Variants in ELAVL4 observed in about 807,000 individuals in gnomAD.
ELAVL4 encodes ELAV-like protein 4.
A neutral mutation model predicts 35.6 loss-of-function variants in ELAVL4; 1 was observed. The ratio of observed to expected loss-of-function variants is 0.03; its 90% CI spans 0.01 to 0.13. ELAVL4 has a LOEUF of 0.13. Among genes scored for constraint, ELAVL4 ranks in the 10% least tolerant of loss-of-function variants. The pLI is 1.00. For synonymous variants in ELAVL4, 156 were observed against 171.0 expected (o/e 0.91, Z 0.69); for missense variants, 267 against 464.9 (o/e 0.57, Z 3.91).
chr1:50,075,655 A>G (rs1019825135), intron 1 of ELAVL4, among the ~76,000 whole-genome samples: 2 of 152,188 alleles, frequency 1.3e-5, no homozygotes, highest in African/African-American at 4.8e-5. Context: ...TATACTTACA[A>G]TGGTTCAACT....
At chr1:50,076,245 A>G (rs1301262925) in intron 1 of ELAVL4, among the ~76,000 whole-genome samples, 1 of 152,180 alleles carries the variant, frequency 6.6e-6, no homozygotes, top group East Asian at 1.9e-4. Flanking sequence ...ACCTCTTATC[A>G]GTGGTTTTAC....
chr1:50,186,861 G>T (rs1392193666), intron 3 of ELAVL4, among the ~76,000 whole-genome samples: 1 of 152,154 alleles, frequency 6.6e-6, no homozygotes, highest in African/African-American at 2.4e-5. Context: ...GTATCAGGTG[G>T]CAGGTAGGGG....
At chr1:50,181,841 G>A (rs544496255) in intron 3 of ELAVL4, among the ~76,000 whole-genome samples, 60 of 152,194 alleles carry the variant, frequency 3.9e-4, no homozygotes, top group African/African-American at 1.1e-3. Context: ...GCACTACCAC[G>A]CCCGGCTAAT....
chr1:50,078,106 T>TTGTGTGTGTGTGTGTG (rs56818675), intron 1 of ELAVL4, among the ~76,000 whole-genome samples: 42 of 145,062 alleles, frequency 2.9e-4, no homozygotes, highest in African/African-American at 9.2e-4. Flanking sequence ...AATATATACC[T>TTGTGTGTGTGTGTGTG]TGTGTGTGTG....
intron 1 of ELAVL4, among the ~76,000 whole-genome samples, chr1:50,113,088 C>A (rs1054549521): frequency 3.3e-5 from 5 of 152,046 alleles, no homozygotes; most frequent in East Asian, 1.9e-4. Flanking sequence ...AATTTCACAT[C>A]TAGAAATTAT....
intron 1 of ELAVL4, among the ~76,000 whole-genome samples, chr1:50,055,322 CAG>C (rs1323426262): frequency 5.9e-5 from 9 of 151,482 alleles, no homozygotes; most frequent in Non-Finnish European, 1.3e-4. Context: ...TTGTTTGAGA[CAG>C]AGTCTCGCTC....
intron 1 of ELAVL4, among the ~76,000 whole-genome samples, chr1:50,074,797 G>A (rs1664688669): frequency 6.6e-6 from 1 of 152,140 alleles, no homozygotes; most frequent in African/African-American, 2.4e-5. Context: ...AAAGGCAGAG[G>A]TAGGAAGATG....
intron 1 of ELAVL4, among the ~76,000 whole-genome samples, chr1:50,049,134 C>A (rs1006536206): frequency 7.9e-5 from 12 of 152,152 alleles, no homozygotes; most frequent in African/African-American, 2.2e-4. Context: ...TAATAATTTT[C>A]ATAAAATCTT....
At chr1:50,188,292 T>C (rs966531745) in intron 3 of ELAVL4, among the ~76,000 whole-genome samples, 13 of 152,322 alleles carry the variant, frequency 8.5e-5, no homozygotes, top group African/African-American at 3.1e-4. Context: ...CCATTGCCAC[T>C]GTATGTCACC....
intron 6 of ELAVL4, 82 bp downstream of exon 6, chr1:50,197,549 T>C: frequency 7.9e-7 from 1 of 1,271,518 alleles, no homozygotes; most frequent in Non-Finnish European, 1.1e-6. Context: ...TTCACTAACT[T>C]TACTTTAAAA....
chr1:50,152,766 G>T (rs79348931), intron 2 of ELAVL4, among the ~76,000 whole-genome samples: 1 of 151,858 alleles, frequency 6.6e-6, no homozygotes, highest in Non-Finnish European at 1.5e-5. Flanking sequence ...TTGCTTTTTC[G>T]TTTTTTCTAC....
At chr1:50,088,877 C>T (rs1473576853) in intron 1 of ELAVL4, among the ~76,000 whole-genome samples, 1 of 152,006 alleles carries the variant, frequency 6.6e-6, no homozygotes, top group Non-Finnish European at 1.5e-5. Flanking sequence ...TCAGTTAAGC[C>T]TTAGTGACTG....
intron 2 of ELAVL4, among the ~76,000 whole-genome samples, chr1:50,149,569 A>C (rs1674385270): frequency 7.0e-6 from 1 of 142,216 alleles, no homozygotes; most frequent in African/African-American, 2.6e-5. Flanking sequence ...TTTGAGATGA[A>C]GTCTCACTCT....
rs1466348878 is a variant in ELAVL4, at chr1:50,109,090, T to C, written c.-100T>C. The C allele has an allele frequency of 5.8e-6, 8 of 1,391,182 alleles. No homozygotes were observed. The highest frequency in any genetic ancestry group is 4.5e-5 in the African/African-American group (3 of 66,044). The allele number at this position is 1,391,182 out of a possible 1,614,324, so 86.2% of individuals were successfully genotyped here. A position where few individuals can be genotyped will look rare whatever the true frequency, so the allele number is the denominator to read the frequency against. ...ACTGTGTTTTGTGGATCTTTAATTA[T>C]ATATAACAATAGTAGTCATTTTAAA... On this transcript the variant is annotated 5_prime_UTR_variant, in exon 1 of 7. Coordinates refer to ENST00000371824, the MANE Select transcript of ELAVL4 (RefSeq NM_001144774.3).
chr1:50,089,476 G>A (rs769680571), intron 1 of ELAVL4, among the ~76,000 whole-genome samples: 1 of 152,170 alleles, frequency 6.6e-6, no homozygotes, highest in Non-Finnish European at 1.5e-5. Flanking sequence ...TTTCTGGCTA[G>A]GTGTGGTGAC....
In ELAVL4 at chr1:50,079,902, T is replaced by C. The variant is rs1021401429; in HGVS notation, c.18+31720T>C. 2.8e-4 allele frequency among the ~76,000 whole-genome samples: 42 copies of C among 152,222 alleles called. 1 individual carries two copies. The highest frequency in any genetic ancestry group is 2.0e-4 in the Admixed American group (3 of 15,274). On this transcript the variant is annotated intron_variant, in intron 1 of 6. Coordinates refer to the ELAVL4 transcript ENST00000448907. The stretch of plus-strand genomic sequence containing the variant: ...GTTAGTATACACCCTTGTTTTATTC[T>C]TCTCACTTCCCAAAGACACCCTTCT...
chr1:50,085,482 A>AGCCTT lies in ELAVL4; in HGVS notation c.18+37301_18+37305dup, dbSNP rs1665199366. On this transcript the variant is annotated intron_variant, in intron 1 of 6. Transcript: ENST00000448907. ...AGGTGCCCAGATTGGCTCTATTTTCAGCCTTCATAATCTGGGCAGGATCTT... is the reference window on the plus strand; with the variant it reads ...AGGTGCCCAGATTGGCTCTATTTTCAGCCTTGCCTTCATAATCTGGGCAGGATCTT... 2.0e-5 allele frequency among the ~76,000 whole-genome samples: 3 copies of AGCCTT among 152,202 alleles called. No individual in the cohort carries two copies. In the South Asian group the frequency reaches 6.2e-4, roughly 31 times the overall value.
chr1:50,059,433 A>C (rs1663842851), intron 1 of ELAVL4, among the ~76,000 whole-genome samples: 2 of 152,278 alleles, frequency 1.3e-5, no homozygotes, highest in South Asian at 4.1e-4. Context: ...TAAAATGTTA[A>C]GAAATAGCCA....
chr1:50,170,999 C>G (rs567665957), intron 2 of ELAVL4, among the ~76,000 whole-genome samples: 1 of 152,242 alleles, frequency 6.6e-6, no homozygotes, highest in Non-Finnish European at 1.5e-5. Context: ...TGCCACCATA[C>G]TCCAGCTTGC....
Sources: gnomAD v4.1 joint callset for allele counts (sites outside exome capture counted in the v4.1 genomes callset) on GRCh38, gnomAD v4.1.1 for gene constraint, MANE v1.5 for transcripts, NCBI Gene and HGNC (gene_info 2026-07-23, HGNC 2026-07-21) for gene names.